The following GRB2 variants were observed in gnomAD, a reference collection of about 807,000 sequenced individuals.
GRB2 encodes the protein growth factor receptor-bound protein 2.
In GRB2, 2 loss-of-function variants were observed where a neutral mutation model predicts 27.4. The ratio of observed to expected loss-of-function variants is 0.07; its 90% CI spans 0.03 to 0.23. The LOEUF (loss-of-function observed/expected upper bound fraction) is 0.23. Among genes scored for constraint, GRB2 ranks in the 10% least tolerant of loss-of-function variants. The probability of loss-of-function intolerance (pLI) is 1.00; values close to 1 mark genes in which losing one functional copy is unlikely to be tolerated. For missense variants in GRB2, 102 were observed against 282.4 expected (o/e 0.36, Z 4.58); for synonymous variants, 94 against 99.6 (o/e 0.94, Z 0.33).
chr17:75,347,817 T>C (rs922647150), intron 2 of GRB2, among the ~76,000 whole-genome samples: 22 of 152,134 alleles, frequency 1.4e-4, no homozygotes, highest in Admixed American at 1.0e-3. Context: ...ACCTTGCAAA[T>C]AGTCTCATTA....
chr17:75,352,572 A>T (rs1445680952), intron 2 of GRB2, among the ~76,000 whole-genome samples: 2 of 152,236 alleles, frequency 1.3e-5, no homozygotes, highest in Non-Finnish European at 1.5e-5. Flanking sequence ...GACCAGGCAT[A>T]AACGGTTCAT....
At chr17:75,343,657 G>A (rs1473208470) in intron 2 of GRB2, among the ~76,000 whole-genome samples, 3 of 149,644 alleles carry the variant, frequency 2.0e-5, no homozygotes, top group Non-Finnish European at 4.5e-5. Flanking sequence ...AGATAAATCT[G>A]GAGGCAGTGA....
Position 75,393,665 on chromosome 17 carries a change from G to C in GRB2, c.-37C>G, listed in dbSNP as rs976818187. On this transcript the variant is annotated 5_prime_UTR_variant, in exon 2 of 6. Coordinates refer to ENST00000316804, the MANE Select transcript of GRB2 (RefSeq NM_002086.5). ...CTCAGTGCTCAGCAGCCTGAAGCAG[G>C]GGGAAGGGAGTCTTCCCTGCTGAAG... The C allele has an allele frequency of 8.4e-6, 13 of 1,551,660 alleles. No homozygotes were observed. The highest frequency in any genetic ancestry group is 2.7e-5 in the African/African-American group (2 of 73,744).
At chr17:75,382,938 T>C (rs1399899114) in intron 2 of GRB2, among the ~76,000 whole-genome samples, 1 of 152,144 alleles carries the variant, frequency 6.6e-6, no homozygotes, top group Admixed American at 6.6e-5. Context: ...CTCGATCTCC[T>C]GACCTCGTGA....
At chr17:75,393,391 A>G (rs911092861) in intron 2 of GRB2, 160 bp downstream of exon 2, 1 of 662,712 alleles carries the variant, frequency 1.5e-6, no homozygotes, top group African/African-American at 1.8e-5. Flanking sequence ...GTCATATTTA[A>G]TATTCTACTC....
Position 75,397,816 on chromosome 17 carries a change from AATTTATTTATTT to A in GRB2, c.-137-4063_-137-4052del, listed in dbSNP as rs57166874. On this transcript the variant is annotated intron_variant, in intron 1 of 5. Coordinates refer to ENST00000316804, the MANE Select transcript of GRB2 (RefSeq NM_002086.5). ...AGCCCGACATGTAATAATCACTCAA[AATTTATTTATTT>A]ATTTATTTATTTATTTATTTATTTA... Among the ~76,000 whole-genome samples the A allele has an allele frequency of 1.6e-3, 237 of 147,904 alleles. 1 individual carries two copies. Among genetic ancestry groups the A allele is most frequent in the African/African-American group, 4.0e-3 (159 of 39,698 alleles).
Position 75,323,661 on chromosome 17 carries a change from C to T in GRB2, c.300-1834G>A, listed in dbSNP as rs186467211. Among the ~76,000 whole-genome samples, 35 of 152,266 alleles carry T rather than the reference C, an allele frequency of 2.3e-4. 1 individual carries two copies. Among genetic ancestry groups the T allele is most frequent in the Non-Finnish European group, 3.7e-4 (25 of 68,006 alleles). ...GAGTTTCTGCTGAGCAAACAGGCAG[C>T]GTCCAGCCGAGCACGTGGCTGCCCC... is the stretch of plus-strand genomic sequence containing the variant. On this transcript the variant is annotated intron_variant, in intron 4 of 5. Transcript: ENST00000316804.
At chr17:75,375,963 T>G (rs2078890134) in intron 2 of GRB2, among the ~76,000 whole-genome samples, 1 of 141,762 alleles carries the variant, frequency 7.1e-6, no homozygotes, top group African/African-American at 2.6e-5. Flanking sequence ...AGGCAGAGGT[T>G]GCAGTGAGCC....
At chr17:75,396,931 T>G (rs2079032428) in intron 1 of GRB2, among the ~76,000 whole-genome samples, 1 of 152,226 alleles carries the variant, frequency 6.6e-6, no homozygotes, top group Non-Finnish European at 1.5e-5. Flanking sequence ...TAAGCTTCTG[T>G]GTCATTCAGG....
chr17:75,318,952 G>A lies in GRB2; in HGVS notation c.*1416C>T, dbSNP rs1408423489. ...GTTCCAGGGGTGCATATAGGGAGGG[G>A]GCGGGGGCCACAACCCCCGAGACGG... On this transcript the variant is annotated 3_prime_UTR_variant, in exon 6 of 6. Coordinates refer to ENST00000316804, the MANE Select transcript of GRB2 (RefSeq NM_002086.5). The A allele has an allele frequency of 6.6e-6, 1 of 152,386 alleles. No individual in the cohort carries two copies. The allele number at this position is 152,386 out of a possible 1,614,324, so 9.4% of individuals were successfully genotyped here. A position where few individuals can be genotyped will look rare whatever the true frequency, so the allele number is the denominator to read the frequency against.
chr17:75,398,341 T>A (rs2145876283), intron 1 of GRB2, among the ~76,000 whole-genome samples: 1 of 152,244 alleles, frequency 6.6e-6, no homozygotes, highest in South Asian at 2.1e-4. Flanking sequence ...TGATCTTGGT[T>A]TACTGCAACC....
At chr17:75,353,179 C>T (rs1213814742) in intron 2 of GRB2, among the ~76,000 whole-genome samples, 2 of 92,858 alleles carry the variant, frequency 2.2e-5, no homozygotes, top group Non-Finnish European at 5.7e-5. Flanking sequence ...AGCAAGACTC[C>T]GTCTCAAAAA....
intron 2 of GRB2, among the ~76,000 whole-genome samples, chr17:75,344,967 C>T (rs1034800454): frequency 1.3e-5 from 2 of 151,948 alleles, no homozygotes; most frequent in Non-Finnish European, 2.9e-5. Context: ...CCCACTGCCT[C>T]AGCATAAAGC....
Position 75,349,574 on chromosome 17 carries a change from G to C in GRB2, c.79-16777C>G, listed in dbSNP as rs11657602. ...TGCCCAGGCTGGACTGCAGTGATGCGATCTTGGCCCACTGCAACCCCCGCA... is the reference window on the plus strand; with the variant it reads ...TGCCCAGGCTGGACTGCAGTGATGCCATCTTGGCCCACTGCAACCCCCGCA... On this transcript the variant is annotated intron_variant, in intron 2 of 5. Coordinates refer to ENST00000316804, the MANE Select transcript of GRB2 (RefSeq NM_002086.5). Among the ~76,000 whole-genome samples, 1,202 of 146,352 alleles carry C rather than the reference G, an allele frequency of 8.2e-3. 10 individuals are homozygous for C. The highest frequency in any genetic ancestry group is 0.013 in the Non-Finnish European group (868 of 67,228).
intron 2 of GRB2, among the ~76,000 whole-genome samples, chr17:75,381,677 C>T (rs536552273): frequency 3.4e-4 from 49 of 144,488 alleles, no homozygotes; most frequent in Non-Finnish European, 5.7e-4. Context: ...GCTGAGATCA[C>T]GCCACTGCAC....
chr17:75,355,329 T>C (rs2078724609), intron 2 of GRB2, among the ~76,000 whole-genome samples: 2 of 152,182 alleles, frequency 1.3e-5, no homozygotes, highest in Non-Finnish European at 2.9e-5. Flanking sequence ...GCAGACTTCT[T>C]TTGACTCTAC....
chr17:75,362,363 GA>G (rs1294968053), intron 2 of GRB2, among the ~76,000 whole-genome samples: 1 of 152,146 alleles, frequency 6.6e-6, no homozygotes, highest in African/African-American at 2.4e-5. Context: ...CTTTATGCAT[GA>G]AGAGTTGAGT....
chr17:75,370,166 G>C (rs979683339), intron 2 of GRB2, among the ~76,000 whole-genome samples: 1 of 152,188 alleles, frequency 6.6e-6, no homozygotes, highest in Non-Finnish European at 1.5e-5. Context: ...GGTCATTGAT[G>C]CAACGTTCAA....
chr17:75,340,085 A>T (rs146559018), intron 2 of GRB2, among the ~76,000 whole-genome samples: 138 of 152,194 alleles, frequency 9.1e-4, no homozygotes, highest in Middle Eastern at 3.4e-3. Context: ...AGAAATCATA[A>T]TTTTTTTTAA....
Sources: gnomAD v4.1 joint callset for allele counts (sites outside exome capture counted in the v4.1 genomes callset) on GRCh38, gnomAD v4.1.1 for gene constraint, MANE v1.5 for transcripts, NCBI Gene and HGNC (gene_info 2026-07-23, HGNC 2026-07-21) for gene names.